PARG: variants seen among roughly 807,000 people sequenced by gnomAD.
The protein encoded by PARG is poly(ADP-ribose) glycohydrolase, also known as mitochondrial poly(ADP-ribose) glycohydrolase.
Under a neutral mutation model 113.0 loss-of-function variants are expected in PARG, and 35 were observed. The ratio of observed to expected loss-of-function variants is 0.31; its 90% CI spans 0.24 to 0.41. The LOEUF (loss-of-function observed/expected upper bound fraction) is 0.41. PARG is among the 10% of genes least tolerant of loss of function. The probability of loss-of-function intolerance (pLI) is 1.00; values close to 1 mark genes in which losing one functional copy is unlikely to be tolerated. For missense variants in PARG, 797 were observed against 1,169.4 expected, an observed-to-expected ratio of 0.68 and a Z score of 4.64; for synonymous variants, 330 against 409.9, an observed-to-expected ratio of 0.81 and a Z score of 2.36.
chr10:49,861,909 A>C lies in PARG; in HGVS notation c.2130-246T>G, dbSNP rs1341074897. ...CCTGATTTTCCTCTAAATAATATGA[A>C]AGTTTTTCTTCTTTAAAACAGTTGA... On this transcript the variant is annotated intron_variant, in intron 11 of 17. Transcript: ENST00000616448. Among the ~76,000 whole-genome samples the C allele has an allele frequency of 4.0e-5, 6 of 151,564 alleles. No homozygotes were observed. In the East Asian group the frequency reaches 9.6e-4, roughly 24 times the overall value.
At chr10:49,895,417 T>C (rs1452296110) in intron 7 of PARG, among the ~76,000 whole-genome samples, 1 of 152,136 alleles carries the variant, frequency 6.6e-6, no homozygotes, top group Non-Finnish European at 1.5e-5. Context: ...TCTTTTTTTT[T>C]TTTGAGATGG....
intron 7 of PARG, among the ~76,000 whole-genome samples, chr10:49,910,859 A>C: frequency 6.6e-6 from 1 of 152,364 alleles, no homozygotes; most frequent in Non-Finnish European, 1.5e-5. Flanking sequence ...ATAGAAGCCA[A>C]CATTGCAGAA....
chr10:49,847,564 A>T (rs868971672), intron 13 of PARG, among the ~76,000 whole-genome samples: 7 of 152,198 alleles, frequency 4.6e-5, no homozygotes, highest in African/African-American at 1.7e-4. Flanking sequence ...GAGAAATATC[A>T]AAGTGAACAA....
chr10:49,848,686 T>C (rs1326551600), intron 13 of PARG, among the ~76,000 whole-genome samples: 7 of 151,888 alleles, frequency 4.6e-5, no homozygotes, highest in Admixed American at 2.6e-4. Context: ...GCACATAACA[T>C]TGGTAGAGCA....
intron 4 of PARG, among the ~76,000 whole-genome samples, chr10:49,924,857 T>TC (rs1564662716): frequency 6.6e-6 from 1 of 152,202 alleles, no homozygotes. Flanking sequence ...GTGGGTAAAA[T>TC]CTACATTGTG....
chr10:49,884,291 T>C (rs1244794977), intron 8 of PARG, among the ~76,000 whole-genome samples: 2 of 152,228 alleles, frequency 1.3e-5, no homozygotes, highest in Non-Finnish European at 2.9e-5. Context: ...CCAAACAAAA[T>C]AAAATACAGG....
intron 13 of PARG, among the ~76,000 whole-genome samples, chr10:49,851,851 G>GA (rs1304110317): frequency 6.7e-6 from 1 of 149,202 alleles, no homozygotes; most frequent in Admixed American, 6.7e-5. Flanking sequence ...TATACTTACT[G>GA]AAAGGTTTTT....
intron 8 of PARG, 45 bp from the exon 9 acceptor site, chr10:49,879,875 A>C: frequency 1.3e-6 from 1 of 783,390 alleles, no homozygotes; most frequent in Non-Finnish European, 2.1e-6. Context: ...AGCAATAATT[A>C]GTTTAGCAAT....
chr10:49,878,755 T>TCAGAGGCAGGCTCTGGGTGAC (rs1847075738), intron 9 of PARG, among the ~76,000 whole-genome samples: 1 of 151,916 alleles, frequency 6.6e-6, no homozygotes. Context: ...TGCCCCACCC[T>TCAGAGGCAGGCTCTGGGTGAC]CAGAGGCAGG....
intron 15 of PARG, among the ~76,000 whole-genome samples, chr10:49,840,752 T>C (rs1429040545): frequency 6.6e-6 from 1 of 152,186 alleles, no homozygotes; most frequent in Admixed American, 6.5e-5. Flanking sequence ...ATCTACTAAG[T>C]TGTAAGTGTA....
intron 7 of PARG, among the ~76,000 whole-genome samples, chr10:49,894,243 T>C (rs1847964228): frequency 6.6e-6 from 1 of 150,728 alleles, no homozygotes; most frequent in African/African-American, 2.4e-5. Flanking sequence ...GGTCTCCCTA[T>C]GTTGCCCAGG....
chr10:49,927,981 AAAG>A (rs1329552667), intron 4 of PARG, among the ~76,000 whole-genome samples: 2 of 151,868 alleles, frequency 1.3e-5, no homozygotes, highest in East Asian at 3.9e-4. Context: ...AAAAAAAAAA[AAAG>A]AAGAAGGCCA....
intron 4 of PARG, among the ~76,000 whole-genome samples, chr10:49,931,144 T>C (rs1262544216): frequency 2.6e-5 from 4 of 151,636 alleles, no homozygotes; most frequent in Non-Finnish European, 5.9e-5. Context: ...TTTGTCCAGG[T>C]TCTTGGCTTG....
At chr10:49,879,021 T>C (rs548232224) in intron 9 of PARG, among the ~76,000 whole-genome samples, 2 of 152,336 alleles carry the variant, frequency 1.3e-5, no homozygotes, top group East Asian at 1.9e-4. Flanking sequence ...GTGTAGAAGA[T>C]AGAGAAAGCA....
At chr10:49,890,696 C>T (rs3877001) in intron 7 of PARG, among the ~76,000 whole-genome samples, 28,928 of 152,128 alleles carry the variant, frequency 0.19, 3,287 homozygotes, top group Non-Finnish European at 0.27. Context: ...AATAAAGGAA[C>T]TAAATCTGCC....
intron 16 of PARG, among the ~76,000 whole-genome samples, chr10:49,829,231 G>A (rs528488144): frequency 2.4e-4 from 37 of 151,700 alleles, no homozygotes; most frequent in South Asian, 1.0e-3. Context: ...GCAAGACTCC[G>A]TCTCAAAATA....
At chr10:49,924,246 C>T (rs1279587401) in intron 4 of PARG, among the ~76,000 whole-genome samples, 1 of 149,648 alleles carries the variant, frequency 6.7e-6, no homozygotes, top group Non-Finnish European at 1.5e-5. Context: ...TAAAAGAAAT[C>T]ATATAATATG....
intron 7 of PARG, among the ~76,000 whole-genome samples, chr10:49,901,244 G>C (rs1361364623): frequency 1.3e-5 from 2 of 151,030 alleles, no homozygotes; most frequent in East Asian, 3.9e-4. Context: ...CCAAGTAGCT[G>C]GGACTACAGA....
At chr10:49,887,264 A>C (rs1847540705) in intron 7 of PARG, among the ~76,000 whole-genome samples, 1 of 152,188 alleles carries the variant, frequency 6.6e-6, no homozygotes, top group Non-Finnish European at 1.5e-5. Context: ...ATAGTACAGT[A>C]TACCTCTCAC....
Sources: gnomAD v4.1 joint callset for allele counts (sites outside exome capture counted in the v4.1 genomes callset) on GRCh38, gnomAD v4.1.1 for gene constraint, MANE v1.5 for transcripts, NCBI Gene and HGNC (gene_info 2026-07-23, HGNC 2026-07-21) for gene names.